Variants in ONECUT2 observed in about 807,000 individuals in gnomAD.
ONECUT2 encodes the protein one cut homeobox 2.
ONECUT2 carries 10 observed loss-of-function variants against 27.9 expected under a neutral mutation model. That is an observed-to-expected ratio of 0.36 (90% CI 0.22 to 0.61). The LOEUF (loss-of-function observed/expected upper bound fraction) is 0.61, where lower values mean the gene tolerates loss of function less well. ONECUT2 is among the 20% of genes least tolerant of loss of function. The pLI, the probability that ONECUT2 is intolerant of heterozygous loss-of-function variation, is 0.73. For missense variants in ONECUT2, 686 were observed against 721.0 expected, an observed-to-expected ratio of 0.95 and a Z score of 0.56; for synonymous variants, 334 against 315.1, an observed-to-expected ratio of 1.06 and a Z score of -0.64.
intron 1 of ONECUT2, among the ~76,000 whole-genome samples, chr18:57,475,256 C>T (rs1478125909): frequency 6.6e-6 from 1 of 151,924 alleles, no homozygotes; most frequent in Admixed American, 6.6e-5. Flanking sequence ...CAGGGTTTCA[C>T]CATGTTGGCC....
At chr18:57,460,987 A>C (rs905444581) in intron 1 of ONECUT2, among the ~76,000 whole-genome samples, 17 of 152,184 alleles carry the variant, frequency 1.1e-4, no homozygotes, top group African/African-American at 4.1e-4. Context: ...CTGGACCCCA[A>C]ATCTTTATTT....
Position 57,489,942 on chromosome 18 carries a change from C to T in ONECUT2, c.*13219C>T, listed in dbSNP as rs536865195. The stretch of plus-strand genomic sequence containing the variant: ...CTTGGTGTTGGTTTCTCTTTTAATT[C>T]GTATCTTCGATCACCTAACCTTTCT... On this transcript the variant is annotated 3_prime_UTR_variant, in exon 2 of 2. Coordinates refer to ENST00000491143, the MANE Select transcript of ONECUT2 (RefSeq NM_004852.3). 14 of 152,260 alleles carry T rather than the reference C, an allele frequency of 9.2e-5. No homozygotes were observed. The highest frequency in any genetic ancestry group is 2.9e-4 in the African/African-American group (12 of 41,554). 9.4% of individuals were successfully genotyped at this position (152,260 alleles called of 1,614,324 possible).
At chr18:57,471,730 A>C (rs1356399173) in intron 1 of ONECUT2, among the ~76,000 whole-genome samples, 1 of 152,234 alleles carries the variant, frequency 6.6e-6, no homozygotes, top group African/African-American at 2.4e-5. Flanking sequence ...CACAACCAGC[A>C]TGACCAATCT....
At chr18:57,476,056 A>G (rs1256194968) in intron 1 of ONECUT2, among the ~76,000 whole-genome samples, 3 of 152,098 alleles carry the variant, frequency 2.0e-5, no homozygotes, top group African/African-American at 7.2e-5. Context: ...TGAATATGAA[A>G]GAGGAACTGC....
At chr18:57,474,383 T>C (rs2122150769) in intron 1 of ONECUT2, among the ~76,000 whole-genome samples, 1 of 152,304 alleles carries the variant, frequency 6.6e-6, no homozygotes, top group Middle Eastern at 3.4e-3. Context: ...AAGGCTCCAG[T>C]AACAACCACA....
chr18:57,443,887 A>G (rs1264383283), intron 1 of ONECUT2, among the ~76,000 whole-genome samples: 1 of 152,216 alleles, frequency 6.6e-6, no homozygotes, highest in Non-Finnish European at 1.5e-5. Context: ...TTGAGGACCC[A>G]TTACTCTTCT....
In ONECUT2 at chr18:57,476,894, GTTC is replaced by G. The variant is rs2050386406; in HGVS notation, c.*177_*179del. The G allele has an allele frequency of 2.6e-6, 2 of 764,148 alleles. No homozygotes were observed. Among genetic ancestry groups the G allele is most frequent in the Non-Finnish European group, 4.1e-6 (2 of 487,918 alleles). 47.3% of individuals were successfully genotyped at this position (764,148 alleles called of 1,614,324 possible). A position where few individuals can be genotyped will look rare whatever the true frequency, so the allele number is the denominator to read the frequency against. ...TTCTAGCTGTAATCATAGGCCAGGT[GTTC>G]TTCTTTTGTTTTTAATGGCTATGGA... On this transcript the variant is annotated 3_prime_UTR_variant, in exon 2 of 2. Transcript: ENST00000491143.
chr18:57,439,956 C>T (rs1453902857), intron 1 of ONECUT2, among the ~76,000 whole-genome samples: 2 of 152,274 alleles, frequency 1.3e-5, no homozygotes, highest in Non-Finnish European at 2.9e-5. Flanking sequence ...GCAAAGCTCA[C>T]CCTTAGGCGA....
Position 57,478,179 on chromosome 18 carries a change from C to G in ONECUT2, c.*1456C>G, listed in dbSNP as rs2050395474. Reference sequence around the variant, plus strand: ...ACACCAAGGACATTAGCCAAGCCACCCAGAGGGGTGGCTTTGCCACACCAG... The same window carrying G: ...ACACCAAGGACATTAGCCAAGCCACGCAGAGGGGTGGCTTTGCCACACCAG... On this transcript the variant is annotated 3_prime_UTR_variant, in exon 2 of 2. Coordinates refer to ENST00000491143, the MANE Select transcript of ONECUT2 (RefSeq NM_004852.3). The G allele has an allele frequency of 6.6e-6, 1 of 152,622 alleles. No homozygotes were observed. Among genetic ancestry groups the G allele is most frequent in the South Asian group, 2.1e-4 (1 of 4,834 alleles). The allele number at this position is 152,622 out of a possible 1,614,324, so 9.5% of individuals were successfully genotyped here. A position where few individuals can be genotyped will look rare whatever the true frequency, so the allele number is the denominator to read the frequency against.
intron 1 of ONECUT2, among the ~76,000 whole-genome samples, chr18:57,463,346 G>A (rs2122133684): frequency 6.6e-6 from 1 of 152,292 alleles, no homozygotes; most frequent in East Asian, 1.9e-4. Flanking sequence ...CCTCATTAAA[G>A]ATCTTGGTAG....
intron 1 of ONECUT2, among the ~76,000 whole-genome samples, chr18:57,470,514 C>G (rs1392350438): frequency 6.6e-6 from 1 of 152,204 alleles, no homozygotes; most frequent in African/African-American, 2.4e-5. Context: ...TTGGCTTCCA[C>G]TGGGACTCAC....
intron 1 of ONECUT2, among the ~76,000 whole-genome samples, chr18:57,456,296 T>C (rs888570956): frequency 6.6e-6 from 1 of 152,218 alleles, no homozygotes; most frequent in Non-Finnish European, 1.5e-5. Context: ...CCGTGTTCAC[T>C]GCAGTGTTAT....
chr18:57,486,735 G>A lies in ONECUT2; in HGVS notation c.*10012G>A, dbSNP rs1228990893. The A allele has an allele frequency of 3.9e-5, 6 of 152,614 alleles. No homozygotes were observed. The highest frequency in any genetic ancestry group is 7.3e-5 in the Non-Finnish European group (5 of 68,034). The allele number at this position is 152,614 out of a possible 1,614,324, so 9.5% of individuals were successfully genotyped here. A position where few individuals can be genotyped will look rare whatever the true frequency, so the allele number is the denominator to read the frequency against. ...TTGGATTTTATTTATGCTGGATTGG[G>A]GAAAGTTGCAGAATGAGCCCAAAGT... On this transcript the variant is annotated 3_prime_UTR_variant, in exon 2 of 2. Transcript: ENST00000491143.
At chr18:57,449,973 G>A (rs2050221242) in intron 1 of ONECUT2, among the ~76,000 whole-genome samples, 1 of 152,142 alleles carries the variant, frequency 6.6e-6, no homozygotes, top group African/African-American at 2.4e-5. Flanking sequence ...CTCTGGAGGG[G>A]AGATAGCATA....
chr18:57,465,154 G>C (rs147526263), intron 1 of ONECUT2, among the ~76,000 whole-genome samples: 4 of 151,194 alleles, frequency 2.6e-5, no homozygotes, highest in Non-Finnish European at 4.4e-5. Flanking sequence ...CTTTTTTTGC[G>C]GGGGGCGGGG....
intron 1 of ONECUT2, among the ~76,000 whole-genome samples, chr18:57,439,226 G>A (rs1338422492): frequency 6.6e-6 from 1 of 152,200 alleles, no homozygotes; most frequent in South Asian, 2.1e-4. Context: ...GCATCCCGGG[G>A]GTCCTCAGCC....
intron 1 of ONECUT2, among the ~76,000 whole-genome samples, chr18:57,459,955 C>T (rs960223567): frequency 6.6e-6 from 1 of 152,042 alleles, no homozygotes; most frequent in Admixed American, 6.6e-5. Flanking sequence ...CAGGATCTCA[C>T]TCTGTTGCCT....
intron 1 of ONECUT2, among the ~76,000 whole-genome samples, chr18:57,448,892 C>G (rs910356686): frequency 1.3e-5 from 2 of 152,228 alleles, no homozygotes; most frequent in Non-Finnish European, 2.9e-5. Context: ...TTTTCTGAAT[C>G]AGTGCCATAG....
At chr18:57,473,873 C>G (rs1181542692) in intron 1 of ONECUT2, among the ~76,000 whole-genome samples, 1 of 152,126 alleles carries the variant, frequency 6.6e-6, no homozygotes, top group Non-Finnish European at 1.5e-5. Context: ...CATCAGAATC[C>G]AACAAAAATA....
Sources: allele counts gnomAD v4.1 joint callset (sites outside exome capture counted in the v4.1 genomes callset), GRCh38; gene constraint gnomAD v4.1.1; transcripts MANE v1.5; gene names NCBI Gene and HGNC (gene_info 2026-07-23, HGNC 2026-07-21).